The following PDE4D variants were observed in gnomAD, a reference collection of about 807,000 sequenced individuals.
PDE4D encodes 3',5'-cyclic-AMP phosphodiesterase 4D.
Under a neutral mutation model 87.4 loss-of-function variants are expected in PDE4D, and 24 were observed. That is an observed-to-expected ratio of 0.27 (90% CI 0.20 to 0.39). The LOEUF is 0.39. Among genes scored for constraint, PDE4D ranks in the 10% least tolerant of loss-of-function variants. PDE4D has a pLI of 1.00. For missense variants in PDE4D, 714 were observed against 1,041.0 expected (o/e 0.69, Z 4.32); for synonymous variants, 384 against 383.2 (o/e 1.00, Z -0.02).
At chr5:59,073,491 A>G (rs1375010275) in intron 5 of PDE4D, among the ~76,000 whole-genome samples, 1 of 108,472 alleles carries the variant, frequency 9.2e-6, no homozygotes, top group African/African-American at 3.4e-5. Context: ...GAAGATACAG[A>G]AAATAAAGTG....
In PDE4D at chr5:58,975,879, T is replaced by A; in HGVS notation, c.1831-40A>T. ...TGCATTCTCTATTCACTCCTGTTCC[T>A]TTTTTTTAAAAAAAAAAACAAAAAA... On this transcript the variant is annotated intron_variant, in intron 13 of 14. Transcript: ENST00000340635. This position sits in a 1 kb window ranked among gnomAD's most constrained non-coding sequence, Gnocchi z 4.2. The A allele has an allele frequency of 8.4e-7, 1 of 1,195,558 alleles. No homozygotes were observed. Among genetic ancestry groups the A allele is most frequent in the Non-Finnish European group, 1.1e-6 (1 of 931,036 alleles). The allele number at this position is 1,195,558 out of a possible 1,614,324, so 74.1% of individuals were successfully genotyped here.
At chr5:59,959,908 C>A (rs770362570) in intron 3 of PDE4D, among the ~76,000 whole-genome samples, 120 of 152,228 alleles carry the variant, frequency 7.9e-4, no homozygotes, top group Non-Finnish European at 1.6e-3. Flanking sequence ...AGTAAACAGA[C>A]AACCTACAGA....
rs1554161243 is a variant in PDE4D at position 59,401,478 on chromosome 5, A to ATCTATCTATCTATCTGTCTG, written c.456-185511_456-185510insCAGACAGATAGATAGATAGA. Among the ~76,000 whole-genome samples, 18 of 150,988 alleles carry ATCTATCTATCTATCTGTCTG rather than the reference A, an allele frequency of 1.2e-4. 1 individual carries two copies. The South Asian group carries it at 1.7e-3, about 14-fold the overall frequency. The stretch of plus-strand genomic sequence containing the variant: ...TATCTATCTATCTATCTATCTATCT[A>ATCTATCTATCTATCTGTCTG]TCTATCTATTTTGATCCCATGGGGG... On this transcript the variant is annotated intron_variant, in intron 1 of 14. Coordinates refer to ENST00000340635, the MANE Select transcript of PDE4D (RefSeq NM_001104631.2).
At chr5:60,106,476 A>T (rs1228894156) in intron 2 of PDE4D, among the ~76,000 whole-genome samples, 1 of 152,174 alleles carries the variant, frequency 6.6e-6, no homozygotes, top group Non-Finnish European at 1.5e-5. Flanking sequence ...AAGGATACCC[A>T]GGAATTGAAC....
At chr5:59,769,075 TC>T (rs1763181087) in intron 1 of PDE4D, among the ~76,000 whole-genome samples, 1 of 145,218 alleles carries the variant, frequency 6.9e-6, no homozygotes, top group Admixed American at 6.9e-5. Context: ...TTTTTTTCTC[TC>T]TTTTTTTTTT....
chr5:59,171,029 G>A (rs572420348), intron 5 of PDE4D, among the ~76,000 whole-genome samples: 254 of 151,976 alleles, frequency 1.7e-3, no homozygotes, highest in African/African-American at 5.8e-3. Context: ...TTACAAGCAC[G>A]TGCCACCACG....
At chr5:60,040,271 G>T (rs1768320110) in intron 2 of PDE4D, among the ~76,000 whole-genome samples, 1 of 152,186 alleles carries the variant, frequency 6.6e-6, no homozygotes. Flanking sequence ...CTGCTGTGTA[G>T]AAAGACCAGT....
chr5:59,585,698 A>G (rs1025853867), intron 1 of PDE4D, among the ~76,000 whole-genome samples: 1 of 152,226 alleles, frequency 6.6e-6, no homozygotes, highest in African/African-American at 2.4e-5. Flanking sequence ...ACCTGAATGC[A>G]TTGCATTGAA....
chr5:60,271,809 C>T (rs950784130), intron 1 of PDE4D, among the ~76,000 whole-genome samples: 10 of 152,166 alleles, frequency 6.6e-5, no homozygotes, highest in African/African-American at 2.4e-4. Flanking sequence ...ACAACCTCTG[C>T]TCCAAAGGAA....
intron 1 of PDE4D, among the ~76,000 whole-genome samples, chr5:60,385,303 A>C (rs1481400961): frequency 6.6e-6 from 1 of 152,182 alleles, no homozygotes; most frequent in Non-Finnish European, 1.5e-5. Flanking sequence ...ATCAGGTGAG[A>C]CTCAATGTCA....
intron 1 of PDE4D, among the ~76,000 whole-genome samples, chr5:59,691,716 TA>T (rs949651135): frequency 3.1e-5 from 2 of 64,416 alleles, no homozygotes; most frequent in African/African-American, 6.5e-5. Flanking sequence ...ACTTAAAGTA[TA>T]ATAAAAAAAA....
At chr5:59,785,685 G>C (rs1349056931) in intron 1 of PDE4D, among the ~76,000 whole-genome samples, 2 of 152,200 alleles carry the variant, frequency 1.3e-5, no homozygotes, top group Admixed American at 6.5e-5. Context: ...TAAGAAAGAT[G>C]TCAACACAAT....
At chr5:59,846,337 C>G (rs532412082) in intron 1 of PDE4D, among the ~76,000 whole-genome samples, 1 of 152,134 alleles carries the variant, frequency 6.6e-6, no homozygotes, top group East Asian at 1.9e-4. Flanking sequence ...CTAATTGGGT[C>G]TGCCCAGGAG....
intron 1 of PDE4D, among the ~76,000 whole-genome samples, chr5:59,880,589 C>A: frequency 6.6e-6 from 1 of 152,134 alleles, no homozygotes; most frequent in East Asian, 1.9e-4. Context: ...ATCTCTTAAA[C>A]CTAGCTAAGG....
chr5:59,820,977 A>G (rs763902367), intron 1 of PDE4D, among the ~76,000 whole-genome samples: 1 of 152,162 alleles, frequency 6.6e-6, no homozygotes, highest in Non-Finnish European at 1.5e-5. Flanking sequence ...CACACCTGTA[A>G]TCCCAGCACT....
chr5:59,923,164 T>C (rs951061890), intron 3 of PDE4D, among the ~76,000 whole-genome samples: 3 of 152,190 alleles, frequency 2.0e-5, no homozygotes, highest in Admixed American at 2.0e-4. Context: ...CTTTGTCTTA[T>C]AGCTTTGGTG....
At chr5:59,354,504 AT>A (rs1190120185) in intron 1 of PDE4D, among the ~76,000 whole-genome samples, 13 of 152,150 alleles carry the variant, frequency 8.5e-5, no homozygotes, top group African/African-American at 2.9e-4. Flanking sequence ...TGTGGTGTGT[AT>A]ATGTGTCTGT....
intron 1 of PDE4D, among the ~76,000 whole-genome samples, chr5:59,295,785 C>T (rs898401366): frequency 1.3e-5 from 2 of 151,798 alleles, no homozygotes. Context: ...CTACCTCAGG[C>T]CCCCTCAGAA....
chr5:59,803,614 T>TA (rs1164266083), intron 1 of PDE4D, among the ~76,000 whole-genome samples: 1 of 152,190 alleles, frequency 6.6e-6, no homozygotes, highest in Non-Finnish European at 1.5e-5. Context: ...AATGAGTTCT[T>TA]ACAACCACTT....
Sources: gnomAD v4.1 joint callset for allele counts (sites outside exome capture counted in the v4.1 genomes callset) on GRCh38, gnomAD v4.1.1 for gene constraint, Gnocchi (gnomAD v3.1) non-coding constraint, MANE v1.5 for transcripts, NCBI Gene and HGNC (gene_info 2026-07-23, HGNC 2026-07-21) for gene names.